ATP9A: variants seen among roughly 807,000 people sequenced by gnomAD.
ATP9A encodes the protein ATPase phospholipid transporting 9A.
A neutral mutation model predicts 144.1 loss-of-function variants in ATP9A; 52 were observed. The observed-to-expected ratio is 0.36, with a 90% CI of 0.29 to 0.45. The LOEUF (loss-of-function observed/expected upper bound fraction) is 0.45, where lower values mean the gene tolerates loss of function less well. Ranked by LOEUF, ATP9A falls within the 20% of genes least tolerant of loss-of-function variation. ATP9A has a pLI of 1.00. For missense variants in ATP9A, 947 were observed against 1,392.7 expected, an observed-to-expected ratio of 0.68 and a Z score of 5.09; for synonymous variants, 582 against 557.4, an observed-to-expected ratio of 1.04 and a Z score of -0.62.
chr20:51,768,372 C>A lies in ATP9A; in HGVS notation c.-3G>T. ...TGCAGCGGGATGTTGTCCGTCATGT[C>A]GGCGGCGCCGCCCGCCTTGGCCGCC... On this transcript the variant is annotated 5_prime_UTR_variant, in exon 1 of 28. Transcript: ENST00000338821. 8.2e-7 allele frequency: 1 copy of A among 1,215,068 alleles called. No individual in the cohort carries two copies. 75.3% of individuals were successfully genotyped at this position (1,215,068 alleles called of 1,614,324 possible). A position where few individuals can be genotyped will look rare whatever the true frequency, so the allele number is the denominator to read the frequency against.
intron 1 of ATP9A, among the ~76,000 whole-genome samples, chr20:51,763,451 T>C (rs1415122620): frequency 6.6e-6 from 1 of 151,934 alleles, no homozygotes; most frequent in African/African-American, 2.4e-5. Context: ...TAGCTGGGAC[T>C]ACAAGTGCCC....
intron 18 of ATP9A, among the ~76,000 whole-genome samples, chr20:51,623,928 T>C (rs1023680632): frequency 6.6e-6 from 1 of 152,052 alleles, no homozygotes; most frequent in African/African-American, 2.4e-5. Flanking sequence ...GAAACTAGAA[T>C]GGTAAGTCAC....
Position 51,741,319 on chromosome 20 carries a change from G to A in ATP9A, c.69-11341C>T, listed in dbSNP as rs372279970. Among the ~76,000 whole-genome samples the A allele has an allele frequency of 1.3e-4, 20 of 152,274 alleles. 3 individuals are homozygous for A. The highest frequency in any genetic ancestry group is 2.0e-4 in the Admixed American group (3 of 15,280). The stretch of plus-strand genomic sequence containing the variant: ...TCACAGGCCAGGCGCGGTGGCTCAC[G>A]CCTGTAATCCCAGTACTTTGGGAGG... On this transcript the variant is annotated intron_variant, in intron 1 of 27. Coordinates refer to ENST00000338821, the MANE Select transcript of ATP9A (RefSeq NM_006045.3).
intron 25 of ATP9A, among the ~76,000 whole-genome samples, chr20:51,607,958 C>T (rs1307729466): frequency 2.0e-5 from 3 of 150,904 alleles, no homozygotes; most frequent in African/African-American, 7.3e-5. Context: ...GCAGGAGAAT[C>T]GCTTGAACCC....
intron 2 of ATP9A, 147 bp downstream of exon 2, chr20:51,729,687 G>C (rs1040938766): frequency 3.5e-6 from 3 of 863,836 alleles, no homozygotes; most frequent in South Asian, 3.4e-5. Flanking sequence ...GGAGGTTGCA[G>C]TGAGCCAAGA....
At chr20:51,607,149 G>A (rs1413671638) in intron 26 of ATP9A, among the ~76,000 whole-genome samples, 1 of 152,026 alleles carries the variant, frequency 6.6e-6, no homozygotes, top group Non-Finnish European at 1.5e-5. Flanking sequence ...CCACAGTCTG[G>A]GAAGACCCCC....
At chr20:51,643,617 C>A (rs1019947926) in intron 14 of ATP9A, among the ~76,000 whole-genome samples, 7 of 152,062 alleles carry the variant, frequency 4.6e-5, no homozygotes, top group Admixed American at 3.9e-4. Context: ...CACCAGACAC[C>A]AAATCTGCCA....
intron 1 of ATP9A, among the ~76,000 whole-genome samples, chr20:51,744,545 T>C (rs568121474): frequency 1.8e-4 from 27 of 152,352 alleles, no homozygotes; most frequent in African/African-American, 6.3e-4. Context: ...CAGCAGATAG[T>C]CTGCTAACCA....
chr20:51,707,281 G>A lies in ATP9A; in HGVS notation c.436+5685C>T, dbSNP rs559438513. On this transcript the variant is annotated intron_variant, in intron 4 of 27. Transcript: ENST00000338821. ...TCCCACAAATCATGTAGCCAGTCCT[G>A]CTCTCTTCCCTCCTCTAAGACTCAA... is the stretch of plus-strand genomic sequence containing the variant. Among the ~76,000 whole-genome samples the A allele has an allele frequency of 2.6e-5, 4 of 152,184 alleles. No homozygotes were observed. The East Asian group carries it at 7.7e-4, about 29-fold the overall frequency.
At chr20:51,671,956 G>A (rs1266105770) in intron 11 of ATP9A, among the ~76,000 whole-genome samples, 3 of 151,994 alleles carry the variant, frequency 2.0e-5, no homozygotes, top group Admixed American at 1.3e-4. Context: ...GTGCCACCAC[G>A]CCGGGCTAAT....
At chr20:51,629,998 C>G (rs1172636385) in intron 15 of ATP9A, among the ~76,000 whole-genome samples, 1 of 152,268 alleles carries the variant, frequency 6.6e-6, no homozygotes, top group Non-Finnish European at 1.5e-5. Flanking sequence ...CCAGTACTCT[C>G]AACAGGGCAA....
intron 4 of ATP9A, among the ~76,000 whole-genome samples, chr20:51,702,792 AGATACG>A (rs1279684514): frequency 6.6e-6 from 1 of 152,204 alleles, no homozygotes; most frequent in African/African-American, 2.4e-5. Flanking sequence ...GGGAAGAACA[AGATACG>A]GAGAAGTAAC....
rs1402854608 is a variant in ATP9A at position 51,610,091 on chromosome 20, A to G, written c.2636+10T>C. ...TGTAAACAATTAATTCCTTGGCAGG[A>G]TTTCCTTACCCAATGATGAGGAATC... is the stretch of plus-strand genomic sequence containing the variant. On this transcript the variant is annotated intron_variant, in intron 24 of 27. Transcript: ENST00000338821. 1 of 1,580,096 alleles carries G rather than the reference A, an allele frequency of 6.3e-7. No individual in the cohort carries two copies. Among genetic ancestry groups the G allele is most frequent in the Non-Finnish European group, 8.7e-7 (1 of 1,149,588 alleles).
intron 27 of ATP9A, among the ~76,000 whole-genome samples, chr20:51,601,831 G>A (rs1042776776): frequency 8.5e-5 from 13 of 152,158 alleles, no homozygotes; most frequent in Middle Eastern, 3.4e-3. Flanking sequence ...ATCTGAGCCC[G>A]GGGAGCTTGA....
chr20:51,764,549 G>C (rs2077895532), intron 1 of ATP9A, among the ~76,000 whole-genome samples: 1 of 152,186 alleles, frequency 6.6e-6, no homozygotes, highest in African/African-American at 2.4e-5. Context: ...CCTATGACAT[G>C]TGGCATCGTT....
At chr20:51,694,422 CG>C (rs1178092136) in intron 6 of ATP9A, among the ~76,000 whole-genome samples, 1 of 152,098 alleles carries the variant, frequency 6.6e-6, no homozygotes, top group Non-Finnish European at 1.5e-5. Flanking sequence ...GGAGATAGAA[CG>C]GGGACGAGCA....
At chr20:51,644,271 T>TTTC (rs200968659) in intron 14 of ATP9A, among the ~76,000 whole-genome samples, 59,180 of 130,258 alleles carry the variant, frequency 0.45, 15,086 homozygotes, top group East Asian at 0.79. Context: ...TTCTAGCTTT[T>TTTC]TTTTTTTTTT....
intron 1 of ATP9A, among the ~76,000 whole-genome samples, chr20:51,761,488 G>GC (rs2077880170): frequency 6.6e-6 from 1 of 152,088 alleles, no homozygotes. Context: ...TTGGCCGGGC[G>GC]CCGTGGCTCA....
intron 2 of ATP9A, among the ~76,000 whole-genome samples, chr20:51,728,284 T>G (rs1025157611): frequency 1.3e-5 from 2 of 151,760 alleles, no homozygotes; most frequent in African/African-American, 4.8e-5. Flanking sequence ...GTACTGAGAG[T>G]TGGGGGGAGT....
Sources: gnomAD v4.1 joint callset for allele counts (sites outside exome capture counted in the v4.1 genomes callset) on GRCh38, gnomAD v4.1.1 for gene constraint, MANE v1.5 for transcripts, NCBI Gene and HGNC (gene_info 2026-07-23, HGNC 2026-07-21) for gene names.